The following TMEM170A variants were observed in gnomAD, a reference collection of about 807,000 sequenced individuals.
The protein encoded by TMEM170A is transmembrane protein 170.
In TMEM170A, 18 loss-of-function variants were observed where a neutral mutation model predicts 12.8. The ratio of observed to expected loss-of-function variants is 1.41; its 90% CI spans 0.97 to 2.09. The LOEUF (loss-of-function observed/expected upper bound fraction) is 2.09, where lower values mean the gene tolerates loss of function less well. Ranked by LOEUF, TMEM170A falls within the 30% of genes most tolerant of loss-of-function variation. The probability of loss-of-function intolerance (pLI) is 0.00; values close to 1 mark genes in which losing one functional copy is unlikely to be tolerated. For synonymous variants in TMEM170A, 107 were observed against 76.2 expected (o/e 1.40, Z -2.11); for missense variants, 220 against 179.9 (o/e 1.22, Z -1.28).
chr16:75,454,929 G>T (rs958586382), intron 1 of TMEM170A, among the ~76,000 whole-genome samples: 1 of 152,192 alleles, frequency 6.6e-6, no homozygotes. Context: ...GGTAGGCAAG[G>T]ACAGAGGTAA....
Position 75,453,001 on chromosome 16 carries a change from A to AT in TMEM170A, c.134-1163dup, listed in dbSNP as rs1397876201. Among the ~76,000 whole-genome samples the AT allele has an allele frequency of 7.9e-5, 12 of 152,328 alleles. No individual in the cohort carries two copies. In the East Asian group the frequency reaches 2.3e-3, roughly 29 times the overall value. ...CCTTCCAGCTTCAAGGGCAAAGCTG[A>AT]TAACAGTGACACAGACCACATGACC... On this transcript the variant is annotated intron_variant, in intron 1 of 2. Transcript: ENST00000561878.
At position 75,445,575 on chromosome 16, in the gene TMEM170A, G is replaced by A. The variant is rs1245650176; in HGVS notation, c.*1983C>T. ...ACCTCCCAAAGTGCTGGGATTATAGGTGTGAGCCACTGCGCCCAGCCATAA... is the reference window on the plus strand; with the variant it reads ...ACCTCCCAAAGTGCTGGGATTATAGATGTGAGCCACTGCGCCCAGCCATAA... On this transcript the variant is annotated 3_prime_UTR_variant, in exon 3 of 3. Coordinates refer to ENST00000561878, the MANE Select transcript of TMEM170A (RefSeq NM_145254.3). 6.6e-6 allele frequency: 1 copy of A among 152,222 alleles called. No homozygotes were observed. Among genetic ancestry groups the A allele is most frequent in the Non-Finnish European group, 1.5e-5 (1 of 68,088 alleles). The allele number at this position is 152,222 out of a possible 1,614,324, so 9.4% of individuals were successfully genotyped here.
intron 1 of TMEM170A, among the ~76,000 whole-genome samples, chr16:75,454,322 T>C (rs1397823242): frequency 6.6e-6 from 1 of 152,180 alleles, no homozygotes; most frequent in Non-Finnish European, 1.5e-5. Context: ...ACAGAGGCTT[T>C]ATAAGAGCCA....
At chr16:75,461,628 T>C (rs1428945318) in intron 1 of TMEM170A, among the ~76,000 whole-genome samples, 1 of 152,178 alleles carries the variant, frequency 6.6e-6, no homozygotes, top group African/African-American at 2.4e-5. Flanking sequence ...CATGTATTTA[T>C]TACACCCATT....
At position 75,446,949 on chromosome 16, in the gene TMEM170A, A is replaced by G. The variant is rs1052960441; in HGVS notation, c.*609T>C. 6.6e-6 allele frequency: 1 copy of G among 152,228 alleles called. No individual in the cohort carries two copies. Among genetic ancestry groups the G allele is most frequent in the African/African-American group, 2.4e-5 (1 of 41,470 alleles). The allele number at this position is 152,228 out of a possible 1,614,324, so 9.4% of individuals were successfully genotyped here. On this transcript the variant is annotated 3_prime_UTR_variant, in exon 3 of 3. Coordinates refer to ENST00000561878, the MANE Select transcript of TMEM170A (RefSeq NM_145254.3). ...AAGACAGTTGTCCAGAAAATGTCAC[A>G]TTATTCATTGTTATCTACTTTTTAT...
chr16:75,463,665 C>T (rs1343407439), intron 1 of TMEM170A, among the ~76,000 whole-genome samples: 2 of 152,364 alleles, frequency 1.3e-5, no homozygotes, highest in South Asian at 2.1e-4. Flanking sequence ...CTCTAGTCTT[C>T]TTGCCTTTCA....
rs879797699 is a variant in TMEM170A at position 75,443,557 on chromosome 16, G to C, written c.*4001C>G. On this transcript the variant is annotated 3_prime_UTR_variant, in exon 3 of 3. Coordinates refer to ENST00000561878, the MANE Select transcript of TMEM170A (RefSeq NM_145254.3). ...CATAATAGGAACTTAATTCAAACCA[G>C]AGCAACCAGAAAGGATACTGGAGGC... 1.3e-5 allele frequency: 2 copies of C among 152,042 alleles called. No homozygotes were observed. Among genetic ancestry groups the C allele is most frequent in the Non-Finnish European group, 2.9e-5 (2 of 68,008 alleles). 9.4% of individuals were successfully genotyped at this position (152,042 alleles called of 1,614,324 possible).
Position 75,443,709 on chromosome 16 carries a change from CAG to C in TMEM170A, c.*3847_*3848del, listed in dbSNP as rs2079536222. The C allele has an allele frequency of 1.3e-5, 2 of 152,166 alleles. No homozygotes were observed. The highest frequency in any genetic ancestry group is 4.1e-4 in the South Asian group (2 of 4,834). The allele number at this position is 152,166 out of a possible 1,614,324, so 9.4% of individuals were successfully genotyped here. ...ATATTTTGTGGTCACAAAAAAAGCACAGATACCTCTTTTAGAATATTCATGAT... is the reference window on the plus strand; with the variant it reads ...ATATTTTGTGGTCACAAAAAAAGCACATACCTCTTTTAGAATATTCATGAT... On this transcript the variant is annotated 3_prime_UTR_variant, in exon 3 of 3. Transcript: ENST00000561878.
chr16:75,464,385 G>A (rs1597461220), intron 1 of TMEM170A, 83 bp downstream of exon 1: 2 of 1,374,114 alleles, frequency 1.5e-6, no homozygotes, highest in African/African-American at 1.5e-5. Flanking sequence ...GCGCACCCGG[G>A]ACCCCGCCCA....
chr16:75,447,424 T>C lies in TMEM170A; in HGVS notation c.*134A>G. On this transcript the variant is annotated 3_prime_UTR_variant, in exon 3 of 3. Coordinates refer to ENST00000561878, the MANE Select transcript of TMEM170A (RefSeq NM_145254.3). ...CTTCAAAATGAAGAAAAGGCTGAGA[T>C]GTGTTGTCCTTCATGTTCCTGTTCA... 2.1e-6 allele frequency: 2 copies of C among 954,414 alleles called. No individual in the cohort carries two copies. The highest frequency in any genetic ancestry group is 2.9e-6 in the Non-Finnish European group (2 of 692,738). The allele number at this position is 954,414 out of a possible 1,614,324, so 59.1% of individuals were successfully genotyped here.
At chr16:75,450,343 A>G (rs247446) in intron 2 of TMEM170A, among the ~76,000 whole-genome samples, 3,893 of 152,276 alleles carry the variant, frequency 0.026, 75 homozygotes, top group South Asian at 0.059. Flanking sequence ...CTAAAAAAAG[A>G]AATACACACC....
chr16:75,461,241 A>G lies in TMEM170A; in HGVS notation c.133+3227T>C, dbSNP rs372206209. ...GCAAATTTTTGTATTTTTAGTAGAG[A>G]TGGGGTGTCACCACGTTGGCCAGGC... is the stretch of plus-strand genomic sequence containing the variant. On this transcript the variant is annotated intron_variant, in intron 1 of 2. Coordinates refer to ENST00000561878, the MANE Select transcript of TMEM170A (RefSeq NM_145254.3). Among the ~76,000 whole-genome samples the G allele has an allele frequency of 1.3e-4, 20 of 149,072 alleles. 3 individuals are homozygous for G. The highest frequency in any genetic ancestry group is 6.6e-4 in the Admixed American group (10 of 15,158).
chr16:75,457,637 T>C (rs953499319), intron 1 of TMEM170A, among the ~76,000 whole-genome samples: 1 of 152,188 alleles, frequency 6.6e-6, no homozygotes, highest in African/African-American at 2.4e-5. Context: ...GACAAAAATG[T>C]CACCCATCCC....
chr16:75,449,912 C>A (rs59465235), intron 2 of TMEM170A, among the ~76,000 whole-genome samples: 1 of 151,466 alleles, frequency 6.6e-6, no homozygotes, highest in African/African-American at 2.4e-5. Context: ...TCCAAGAGAG[C>A]AGCAAATGGA....
upstream of TMEM170A, chr16:75,464,690 A>C: frequency 6.8e-7 from 1 of 1,475,660 alleles, no homozygotes; most frequent in Non-Finnish European, 8.9e-7. Context: ...CCTCAGCGTC[A>C]CCTCCAGCCG....
intron 1 of TMEM170A, chr16:75,459,784 G>A (rs149667819): frequency 0.011 from 1,667 of 152,016 alleles, 22 homozygotes; most frequent in Non-Finnish European, 0.012. Context: ...TTGATCCTGC[G>A]AGGCAGAGGT....
intron 1 of TMEM170A, among the ~76,000 whole-genome samples, chr16:75,459,374 C>T (rs1470652133): frequency 6.6e-6 from 1 of 152,220 alleles, no homozygotes; most frequent in Non-Finnish European, 1.5e-5. Flanking sequence ...CATGACCAAC[C>T]TGGCCCCAAA....
chr16:75,443,870 C>G lies in TMEM170A; in HGVS notation c.*3688G>C. On this transcript the variant is annotated 3_prime_UTR_variant, in exon 3 of 3. Transcript: ENST00000561878. ...TTGGGAGGCCGAGGCGGGTGGATCA[C>G]TTGAAGTCAGGAGTTTGAGACCAGC... 1 of 152,178 alleles carries G rather than the reference C, an allele frequency of 6.6e-6. No individual in the cohort carries two copies. 9.4% of individuals were successfully genotyped at this position (152,178 alleles called of 1,614,324 possible).
chr16:75,464,736 G>A (rs2079968586), upstream of TMEM170A: 6 of 1,256,050 alleles, frequency 4.8e-6, no homozygotes, highest in Non-Finnish European at 6.3e-6. Context: ...GCGCTGCCAA[G>A]TGACCGTTGC....
Sources: allele counts gnomAD v4.1 joint callset (sites outside exome capture counted in the v4.1 genomes callset), GRCh38; gene constraint gnomAD v4.1.1; transcripts MANE v1.5; gene names NCBI Gene and HGNC (gene_info 2026-07-23, HGNC 2026-07-21).